Variants in ENAH observed in about 807,000 individuals in gnomAD.
ENAH encodes protein enabled homolog.
ENAH carries 23 observed loss-of-function variants against 78.7 expected under a neutral mutation model. The observed-to-expected ratio is 0.29, with a 90% CI of 0.21 to 0.41. The LOEUF (loss-of-function observed/expected upper bound fraction) is 0.41, where lower values mean the gene tolerates loss of function less well. Among genes scored for constraint, ENAH ranks in the 10% least tolerant of loss-of-function variants. The probability of loss-of-function intolerance (pLI) is 1.00; values close to 1 mark genes in which losing one functional copy is unlikely to be tolerated. For synonymous variants in ENAH, 226 were observed against 241.0 expected (o/e 0.94, Z 0.58); for missense variants, 544 against 691.0 (o/e 0.79, Z 2.39).
intron 2 of ENAH, among the ~76,000 whole-genome samples, chr1:225,559,911 AAAGACTC>A (rs1378871426): frequency 6.6e-6 from 1 of 152,182 alleles, no homozygotes; most frequent in African/African-American, 2.4e-5. Flanking sequence ...GTTCACGGCA[AAAGACTC>A]ATCTGTCATC....
chr1:225,568,925 G>C (rs1191946721), intron 1 of ENAH, among the ~76,000 whole-genome samples: 1 of 152,204 alleles, frequency 6.6e-6, no homozygotes, highest in Non-Finnish European at 1.5e-5. Context: ...TATTTGTGCA[G>C]CAAACCCAAT....
chr1:225,538,754 A>C (rs1416104389), intron 3 of ENAH, among the ~76,000 whole-genome samples: 1 of 152,216 alleles, frequency 6.6e-6, no homozygotes, highest in Admixed American at 6.5e-5. Context: ...CAATAGTCTT[A>C]ATATGTTCCT....
At chr1:225,637,105 G>C (rs971146398) in intron 1 of ENAH, among the ~76,000 whole-genome samples, 2 of 152,198 alleles carry the variant, frequency 1.3e-5, no homozygotes, top group Admixed American at 6.5e-5. Context: ...AGGCACTGCT[G>C]AACTGTTTCT....
rs33964064 is a variant in ENAH at position 225,495,456 on chromosome 1, GTTTTTTTTTT to G, written c.*2309_*2318del. On this transcript the variant is annotated 3_prime_UTR_variant, in exon 14 of 14. Transcript: ENST00000366843. Reference sequence around the variant, plus strand: ...GGAAATATAGCATGATTCAACACTGGTTTTTTTTTTTTTTTTTTTTTGTCAGTTTACACAT... The same window carrying G: ...GGAAATATAGCATGATTCAACACTGGTTTTTTTTTTTGTCAGTTTACACAT... The G allele has an allele frequency of 2.7e-5, 3 of 110,762 alleles. No individual in the cohort carries two copies. Among genetic ancestry groups the G allele is most frequent in the Admixed American group, 1.1e-4 (1 of 9,312 alleles). 6.9% of individuals were successfully genotyped at this position (110,762 alleles called of 1,614,324 possible).
At position 225,515,905 on chromosome 1, in the gene ENAH, T is replaced by C. The variant is rs199637143; in HGVS notation, c.914-1005A>G. Among the ~76,000 whole-genome samples, 4 of 152,246 alleles carry C rather than the reference T, an allele frequency of 2.6e-5. No individual in the cohort carries two copies. In the East Asian group the frequency reaches 7.7e-4, roughly 29 times the overall value. ...CCCATTTTGTACAGTATAACTGTCA[T>C]GGTGAAACCAAACTGAACGTCTTAG... On this transcript the variant is annotated intron_variant, in intron 6 of 13. Coordinates refer to ENST00000366843, the MANE Select transcript of ENAH (RefSeq NM_018212.6).
At chr1:225,506,327 G>A (rs1362313571) in intron 11 of ENAH, among the ~76,000 whole-genome samples, 4 of 152,072 alleles carry the variant, frequency 2.6e-5, no homozygotes, top group East Asian at 1.9e-4. Context: ...AGCTGGCATC[G>A]CAGGTGTGCG....
At chr1:225,499,959 A>G (rs988880767) in intron 12 of ENAH, among the ~76,000 whole-genome samples, 15 of 152,252 alleles carry the variant, frequency 9.9e-5, no homozygotes, top group African/African-American at 3.6e-4. Context: ...AGACTCACAG[A>G]TGCCCTGATC....
At position 225,639,739 on chromosome 1, in the gene ENAH, CACACAA is replaced by C. The variant is rs1362543370; in HGVS notation, c.5+12941_5+12946del. On this transcript the variant is annotated intron_variant, in intron 1 of 13. Transcript: ENST00000366843. ...ACACACACACACACACACACACACA[CACACAA>C]GAAGGATGGTCCTACTTCCTCCAAG... 4.5e-3 allele frequency among the ~76,000 whole-genome samples: 606 copies of C among 133,952 alleles called. 6 individuals carry two copies. The highest frequency in any genetic ancestry group is 0.023 in the African/African-American group (569 of 24,962). 87.9% of individuals were successfully genotyped at this position (133,952 alleles called of 152,430 possible).
chr1:225,639,477 G>A (rs1253219115), intron 1 of ENAH, among the ~76,000 whole-genome samples: 1 of 152,116 alleles, frequency 6.6e-6, no homozygotes, highest in East Asian at 1.9e-4. Context: ...GAGTGGGTTA[G>A]TTACCACAGG....
chr1:225,561,862 T>C (rs1325329869), intron 2 of ENAH, among the ~76,000 whole-genome samples: 1 of 152,070 alleles, frequency 6.6e-6, no homozygotes, highest in Non-Finnish European at 1.5e-5. Context: ...CCACAGTTCC[T>C]TGTGACCTCG....
chr1:225,632,651 T>C (rs1659304156), intron 1 of ENAH, among the ~76,000 whole-genome samples: 1 of 152,240 alleles, frequency 6.6e-6, no homozygotes, highest in Non-Finnish European at 1.5e-5. Flanking sequence ...AATGAATCTA[T>C]ACATTATCAG....
At chr1:225,600,101 A>G (rs1241000027) in intron 1 of ENAH, among the ~76,000 whole-genome samples, 4 of 152,188 alleles carry the variant, frequency 2.6e-5, no homozygotes, top group Non-Finnish European at 5.9e-5. Flanking sequence ...CACACTTCCT[A>G]TAAAGCCTGC....
At chr1:225,614,284 CCTG>C (rs1194664647) in intron 1 of ENAH, among the ~76,000 whole-genome samples, 1 of 152,104 alleles carries the variant, frequency 6.6e-6, no homozygotes, top group Admixed American at 6.6e-5. Flanking sequence ...GTCTCGAACT[CCTG>C]ACCTCAGGTG....
chr1:225,546,126 C>G (rs150370313), intron 3 of ENAH, among the ~76,000 whole-genome samples: 17 of 152,010 alleles, frequency 1.1e-4, no homozygotes, highest in African/African-American at 4.1e-4. Context: ...CAGGCTCTCA[C>G]TATGTTGCCC....
At chr1:225,543,725 T>C (rs2096600247) in intron 3 of ENAH, among the ~76,000 whole-genome samples, 1 of 152,226 alleles carries the variant, frequency 6.6e-6, no homozygotes, top group South Asian at 2.1e-4. Flanking sequence ...ATAATTCCAG[T>C]TAACTACAGC....
chr1:225,543,729 C>A (rs1242702953), intron 3 of ENAH, among the ~76,000 whole-genome samples: 1 of 152,200 alleles, frequency 6.6e-6, no homozygotes, highest in Non-Finnish European at 1.5e-5. Flanking sequence ...TTCCAGTTAA[C>A]TACAGCATTT....
Position 225,519,280 on chromosome 1 carries a change from CCGTTCCAGTCTCTCCAGCCTCTCT to C in ENAH, c.696_719del (p.Leu235_Arg242del). On this transcript the variant is annotated inframe_deletion, in exon 5 of 14. Transcript: ENST00000366843. ...CTTGTCGCTCCCTTTCTTGCCTCTCCCGTTCCAGTCTCTCCAGCCTCTCTCGTTCTTGTCTTTCTTGCCTCTCCC... is the reference window on the plus strand; with the variant it reads ...CTTGTCGCTCCCTTTCTTGCCTCTCCCGTTCTTGTCTTTCTTGCCTCTCCC... 1 of 1,614,164 alleles carries C rather than the reference CCGTTCCAGTCTCTCCAGCCTCTCT, an allele frequency of 6.2e-7. No individual in the cohort carries two copies. Among genetic ancestry groups the C allele is most frequent in the Non-Finnish European group, 8.5e-7 (1 of 1,180,024 alleles).
At chr1:225,619,287 A>C (rs958045495) in intron 1 of ENAH, among the ~76,000 whole-genome samples, 10 of 152,220 alleles carry the variant, frequency 6.6e-5, no homozygotes, top group African/African-American at 2.4e-4. Flanking sequence ...TCACGCCTGT[A>C]ATCCCAGCAC....
intron 2 of ENAH, among the ~76,000 whole-genome samples, chr1:225,564,188 T>C (rs76527718): frequency 0.043 from 6,536 of 152,196 alleles, 225 homozygotes; most frequent in South Asian, 0.11. Flanking sequence ...CAATCACACT[T>C]ACTACAGTCT....
Sources: allele counts gnomAD v4.1 joint callset (sites outside exome capture counted in the v4.1 genomes callset), GRCh38; gene constraint gnomAD v4.1.1; transcripts MANE v1.5; gene names NCBI Gene and HGNC (gene_info 2026-07-23, HGNC 2026-07-21).